The following LHPP variants were observed in gnomAD, a reference collection of about 807,000 sequenced individuals.
LHPP encodes hLHPP.
Under a neutral mutation model 30.3 loss-of-function variants are expected in LHPP, and 24 were observed. That is an observed-to-expected ratio of 0.79 (90% CI 0.57 to 1.11). The LOEUF is 1.11. Ranked by LOEUF, LHPP falls within the 50% of genes most tolerant of loss-of-function variation. The pLI is 0.00. For missense variants in LHPP, 356 were observed against 367.2 expected (o/e 0.97, Z 0.25); for synonymous variants, 150 against 157.1 (o/e 0.95, Z 0.34).
At chr10:124,572,487 T>A (rs567628693) in intron 6 of LHPP, among the ~76,000 whole-genome samples, 84 of 151,874 alleles carry the variant, frequency 5.5e-4, no homozygotes, top group African/African-American at 2.0e-3. Flanking sequence ...AAACATTAGC[T>A]GGGCGTGGTG....
intron 1 of LHPP, among the ~76,000 whole-genome samples, chr10:124,483,738 C>CA (rs1195727348): frequency 6.6e-6 from 1 of 150,836 alleles, no homozygotes; most frequent in Non-Finnish European, 1.5e-5. Context: ...GCCTGGGCGA[C>CA]AAGAGCGAGA....
chr10:124,595,761 G>A (rs1192246612), intron 6 of LHPP, among the ~76,000 whole-genome samples: 1 of 152,180 alleles, frequency 6.6e-6, no homozygotes, highest in Non-Finnish European at 1.5e-5. Context: ...ATCACTGTGT[G>A]CCCTTCTAGG....
intron 6 of LHPP, among the ~76,000 whole-genome samples, chr10:124,532,629 A>G (rs901589335): frequency 6.6e-6 from 1 of 152,236 alleles, no homozygotes. Flanking sequence ...GTTAAACTGA[A>G]TAACAACAAT....
At chr10:124,468,528 C>T (rs1952628962) in intron 1 of LHPP, among the ~76,000 whole-genome samples, 1 of 152,176 alleles carries the variant, frequency 6.6e-6, no homozygotes, top group Non-Finnish European at 1.5e-5. Context: ...CCATGGGCTT[C>T]CCATGCCATA....
chr10:124,519,244 G>C (rs867723925), intron 6 of LHPP, among the ~76,000 whole-genome samples: 30 of 152,150 alleles, frequency 2.0e-4, no homozygotes, highest in African/African-American at 7.0e-4. Context: ...CACCGCGCCC[G>C]GCCCCAGAGA....
chr10:124,606,209 C>T (rs1208668310), intron 6 of LHPP, among the ~76,000 whole-genome samples: 1 of 151,780 alleles, frequency 6.6e-6, no homozygotes, highest in Non-Finnish European at 1.5e-5. Context: ...AGCCAGGCCC[C>T]GAGGGCCAGG....
chr10:124,580,719 TTC>T (rs1334028766), intron 6 of LHPP, among the ~76,000 whole-genome samples: 2 of 58,932 alleles, frequency 3.4e-5, no homozygotes, highest in African/African-American at 1.4e-4. Context: ...CTTTTTTTTT[TTC>T]TTTTTTTTTT....
intron 6 of LHPP, among the ~76,000 whole-genome samples, chr10:124,530,558 A>G (rs1826100270): frequency 6.7e-6 from 1 of 150,370 alleles, no homozygotes; most frequent in African/African-American, 2.5e-5. Flanking sequence ...ACATATACAT[A>G]CACTCACGCC....
At position 124,511,426 on chromosome 10, in the gene LHPP, T is replaced by C. The variant is rs180920199; in HGVS notation, c.625-5754T>C. Among the ~76,000 whole-genome samples the C allele has an allele frequency of 2.1e-4, 32 of 152,106 alleles. No homozygotes were observed. The East Asian group carries it at 5.6e-3, about 27-fold the overall frequency. The stretch of plus-strand genomic sequence containing the variant: ...TGGGTGGAGGAAAGATCAGAGAAAA[T>C]CCGTGGAAAGTATGAAGTAGAGAGC... On this transcript the variant is annotated intron_variant, in intron 5 of 6. Transcript: ENST00000368842.
At chr10:124,488,108 A>G (rs1456503336) in intron 2 of LHPP, among the ~76,000 whole-genome samples, 1 of 152,134 alleles carries the variant, frequency 6.6e-6, no homozygotes, top group Non-Finnish European at 1.5e-5. Flanking sequence ...TTCCCTTCTC[A>G]GTAGCAAAGC....
intron 6 of LHPP, among the ~76,000 whole-genome samples, chr10:124,524,370 A>G (rs1954681820): frequency 2.0e-5 from 3 of 146,866 alleles, no homozygotes; most frequent in African/African-American, 7.6e-5. Context: ...TCCGCCTCCC[A>G]GGTTCAAGCG....
At chr10:124,538,885 G>A (rs1955107569) in intron 6 of LHPP, among the ~76,000 whole-genome samples, 1 of 152,192 alleles carries the variant, frequency 6.6e-6, no homozygotes, top group Non-Finnish European at 1.5e-5. Context: ...CAGCCGTGGC[G>A]TGGCAGAGGA....
intron 6 of LHPP, among the ~76,000 whole-genome samples, chr10:124,588,962 G>A (rs2133999258): frequency 6.6e-6 from 1 of 152,346 alleles, no homozygotes; most frequent in East Asian, 1.9e-4. Flanking sequence ...AGCCGGTGCA[G>A]CGCGGTTATT....
chr10:124,576,594 A>G lies in LHPP; in HGVS notation c.717-36670A>G, dbSNP rs949973756. On this transcript the variant is annotated intron_variant, in intron 6 of 6. Transcript: ENST00000368842. This position sits in a 1 kb window ranked among gnomAD's most constrained non-coding sequence, Gnocchi z 4.2. ...CCAGACTCCCCCATATCTCGCCCCC[A>G]GACCCTCCTCCATGGTCTGCCCCCA... 7.8e-6 allele frequency among the ~76,000 whole-genome samples: 1 copy of G among 129,002 alleles called. No homozygotes were observed. Among genetic ancestry groups the G allele is most frequent in the African/African-American group, 3.0e-5 (1 of 33,568 alleles). 84.6% of individuals were successfully genotyped at this position (129,002 alleles called of 152,430 possible).
chr10:124,465,360 G>A (rs967719660), intron 1 of LHPP, among the ~76,000 whole-genome samples: 1 of 152,166 alleles, frequency 6.6e-6, no homozygotes, highest in Non-Finnish European at 1.5e-5. Context: ...CAGGAAGTCA[G>A]TGAAGACTCT....
chr10:124,467,710 T>TTTGTTGTTGTTGTTG lies in LHPP; in HGVS notation c.125+5732_125+5746dup, dbSNP rs10691946. ...TTTTCTTTTGTGTGTGTGTGTGTTTTTTGTTGTTGTTGTTGTTGTTGTTTT... is the reference window on the plus strand; with the variant it reads ...TTTTCTTTTGTGTGTGTGTGTGTTTTTTGTTGTTGTTGTTGTTGTTGTTGTTGTTGTTGTTGTTTT... On this transcript the variant is annotated intron_variant, in intron 1 of 6. Transcript: ENST00000368842. Among the ~76,000 whole-genome samples the TTTGTTGTTGTTGTTG allele has an allele frequency of 1.1e-3, 166 of 149,046 alleles. 3 individuals are homozygous for TTTGTTGTTGTTGTTG. Among genetic ancestry groups the TTTGTTGTTGTTGTTG allele is most frequent in the Middle Eastern group, 6.8e-3 (2 of 292 alleles).
chr10:124,540,562 T>A (rs945259075), intron 6 of LHPP, among the ~76,000 whole-genome samples: 2 of 152,226 alleles, frequency 1.3e-5, no homozygotes, highest in Admixed American at 1.3e-4. Context: ...AGCTGAGTTT[T>A]GCCTTTGCAG....
intron 6 of LHPP, among the ~76,000 whole-genome samples, chr10:124,553,086 C>T (rs1268534201): frequency 6.6e-6 from 1 of 152,222 alleles, no homozygotes; most frequent in Non-Finnish European, 1.5e-5. Context: ...CTTCTGGGGA[C>T]CTCGATGTTG....
chr10:124,575,828 T>G (rs1439790757), intron 6 of LHPP, among the ~76,000 whole-genome samples: 1 of 151,994 alleles, frequency 6.6e-6, no homozygotes, highest in Non-Finnish European at 1.5e-5. Flanking sequence ...GCATTGTGCA[T>G]GTGGATGAGT....
Sources: allele counts gnomAD v4.1 joint callset (sites outside exome capture counted in the v4.1 genomes callset), GRCh38; gene constraint gnomAD v4.1.1; non-coding constraint Gnocchi (gnomAD v3.1); transcripts MANE v1.5; gene names NCBI Gene and HGNC (gene_info 2026-07-23, HGNC 2026-07-21).